DCAF8L2: variants seen among roughly 807,000 people sequenced by gnomAD.
DCAF8L2 encodes DDB1- and CUL4-associated factor 8-like protein 2.
For missense variants in DCAF8L2, 430 were observed against 490.7 expected (o/e 0.88, Z 1.17); for synonymous variants, 200 against 190.9 (o/e 1.05, Z -0.39).
the DCAF8L2 span, among the ~76,000 whole-genome samples, chrX:27,565,135 T>C: frequency 2.7e-5 from 3 of 110,853 alleles, no homozygotes; most frequent in East Asian, 8.5e-4. Flanking sequence ...GTACCAGACC[T>C]TAGAGGGCAA....
chrX:27,695,820 C>T (rs1930874065), intron 3 of DCAF8L2, among the ~76,000 whole-genome samples: 1 of 111,152 alleles, frequency 9.0e-6, no homozygotes, highest in South Asian at 3.7e-4. Context: ...TCAAATATTA[C>T]ATTTTAACAT....
At chrX:27,591,171 T>C (rs1926075122) in intron 1 of DCAF8L2, among the ~76,000 whole-genome samples, 1 of 109,265 alleles carries the variant, frequency 9.2e-6, no homozygotes, top group Non-Finnish European at 1.9e-5. Flanking sequence ...ACTTATTTAA[T>C]TCAAATAGGA....
At chrX:27,622,220 C>G (rs1412580420) in intron 1 of DCAF8L2, among the ~76,000 whole-genome samples, 2 of 107,432 alleles carry the variant, frequency 1.9e-5, no homozygotes, top group Non-Finnish European at 3.8e-5. Flanking sequence ...GTCAGGAGAT[C>G]GAGACCATCC....
intron 4 of DCAF8L2, among the ~76,000 whole-genome samples, chrX:27,729,916 T>C (rs1288582843): frequency 1.8e-5 from 2 of 112,004 alleles, no homozygotes; most frequent in Non-Finnish European, 3.8e-5. Context: ...AATGTATCCA[T>C]GGGTACTCAA....
intron 2 of DCAF8L2, among the ~76,000 whole-genome samples, chrX:27,635,179 T>C (rs1928450651): frequency 8.9e-6 from 1 of 111,799 alleles, no homozygotes; most frequent in African/African-American, 3.3e-5. Context: ...TGATTTTTAA[T>C]TATTTTTACC....
At chrX:27,515,011 C>T in the DCAF8L2 span, among the ~76,000 whole-genome samples, 1 of 111,449 alleles carries the variant, frequency 9.0e-6, no homozygotes, top group Non-Finnish European at 1.9e-5. Context: ...GCATATATTT[C>T]AAGATAGATA....
intron 1 of DCAF8L2, among the ~76,000 whole-genome samples, chrX:27,594,842 T>G (rs763564185): frequency 8.9e-6 from 1 of 111,993 alleles, no homozygotes; most frequent in African/African-American, 3.2e-5. Context: ...AAGCAACCTA[T>G]ACTTACAATT....
the DCAF8L2 span, among the ~76,000 whole-genome samples, chrX:27,503,259 T>C: frequency 3.6e-5 from 4 of 111,454 alleles, no homozygotes; most frequent in Non-Finnish European, 5.7e-5. Flanking sequence ...TCTCTTTTAA[T>C]CTTACTGACA....
At chrX:27,550,470 A>G in the DCAF8L2 span, among the ~76,000 whole-genome samples, 1 of 111,399 alleles carries the variant, frequency 9.0e-6, no homozygotes, top group Non-Finnish European at 1.9e-5. Flanking sequence ...TGTTGGGATT[A>G]TAGATGTGAG....
At chrX:27,539,735 G>T in the DCAF8L2 span, among the ~76,000 whole-genome samples, 1 of 45,017 alleles carries the variant, frequency 2.2e-5, no homozygotes, top group East Asian at 1.1e-3. Flanking sequence ...TATATATCCA[G>T]TGTAAAGTTT....
the DCAF8L2 span, among the ~76,000 whole-genome samples, chrX:27,573,847 TTCTC>T: frequency 0.046 from 4,941 of 107,754 alleles, 214 homozygotes; most frequent in African/African-American, 0.13. Context: ...ATGCACTTCT[TTCTC>T]TCTCTCTCTC....
the DCAF8L2 span, among the ~76,000 whole-genome samples, chrX:27,583,909 T>C: frequency 9.0e-6 from 1 of 111,646 alleles, no homozygotes; most frequent in African/African-American, 3.3e-5. Flanking sequence ...ATTCTTTCCA[T>C]GTAGCCAGTA....
At chrX:27,601,264 A>C (rs1457378012) in intron 1 of DCAF8L2, among the ~76,000 whole-genome samples, 1 of 112,211 alleles carries the variant, frequency 8.9e-6, no homozygotes, top group African/African-American at 3.2e-5. Context: ...CTTACTATCA[A>C]ATTCACACCC....
In DCAF8L2 at chrX:27,747,026, C is replaced by T; in HGVS notation, c.131C>T (p.Ser44Leu). ...TCCTCAGACATTGACATAGCGACCTCAGAGCTGAGTGTGACAGTGACCGGA... is the reference window on the plus strand; with the variant it reads ...TCCTCAGACATTGACATAGCGACCTTAGAGCTGAGTGTGACAGTGACCGGA... Reference protein sequence around the residue: ...EASSDIDIATSELSVTVTGDG... With the variant: ...EASSDIDIATLELSVTVTGDG... Residue 44 changes from serine (S) to leucine (L), a missense_variant, in exon 5 of 5, where the codon TCA becomes TTA. Coordinates refer to ENST00000451261, the MANE Select transcript of DCAF8L2 (RefSeq NM_001353450.2). 8.5e-7 allele frequency: 1 copy of T among 1,177,790 alleles called. No individual in the cohort carries two copies. Among genetic ancestry groups the T allele is most frequent in the Non-Finnish European group, 1.1e-6 (1 of 877,996 alleles).
intron 1 of DCAF8L2, among the ~76,000 whole-genome samples, chrX:27,619,619 G>A (rs1927657214): frequency 8.9e-6 from 1 of 111,803 alleles, no homozygotes; most frequent in African/African-American, 3.2e-5. Flanking sequence ...AGGTCTAGAC[G>A]CTGCTTCATG....
At chrX:27,554,581 G>T in the DCAF8L2 span, among the ~76,000 whole-genome samples, 3 of 111,961 alleles carry the variant, frequency 2.7e-5, no homozygotes, top group Admixed American at 9.5e-5. Flanking sequence ...AAAAGATATG[G>T]TATGGATTCT....
intron 3 of DCAF8L2, among the ~76,000 whole-genome samples, chrX:27,704,173 T>TATATATATATATATATAC (rs757835089): frequency 2.3e-5 from 1 of 44,286 alleles, no homozygotes; most frequent in African/African-American, 1.5e-4. Flanking sequence ...TATATATATA[T>TATATATATATATATATAC]ACATATACAC....
chrX:27,681,662 G>A (rs781482188), intron 3 of DCAF8L2, among the ~76,000 whole-genome samples: 12 of 111,464 alleles, frequency 1.1e-4, no homozygotes, highest in African/African-American at 3.3e-4. Flanking sequence ...TTATATTGTC[G>A]TAGCTGAAGT....
the DCAF8L2 span, among the ~76,000 whole-genome samples, chrX:27,534,036 C>G: frequency 9.1e-6 from 1 of 109,760 alleles, no homozygotes; most frequent in Non-Finnish European, 1.9e-5. Context: ...TGGCAAAAAC[C>G]CTTCTTTACA....
Sources: allele counts gnomAD v4.1 joint callset (sites outside exome capture counted in the v4.1 genomes callset), GRCh38; gene constraint gnomAD v4.1.1; transcripts MANE v1.5; gene names NCBI Gene and HGNC (gene_info 2026-07-23, HGNC 2026-07-21).